STT3B: variants seen among roughly 807,000 people sequenced by gnomAD.
The protein encoded by STT3B is dolichyl-diphosphooligosaccharide--protein glycosyltransferase subunit STT3B.
In STT3B, 29 loss-of-function variants were observed where a neutral mutation model predicts 96.8. The ratio of observed to expected loss-of-function variants is 0.30; its 90% confidence interval spans 0.22 to 0.41. The LOEUF is 0.41. STT3B is among the 10% of genes least tolerant of loss of function. STT3B has a pLI of 1.00. For missense variants in STT3B, 640 were observed against 1,022.3 expected (o/e 0.63, Z 5.10); for synonymous variants, 367 against 360.0 (o/e 1.02, Z -0.22).
chr3:31,582,320 C>T (rs1216752992), intron 3 of STT3B, among the ~76,000 whole-genome samples: 3 of 134,832 alleles, frequency 2.2e-5, no homozygotes, highest in Non-Finnish European at 4.7e-5. Flanking sequence ...TTTTTGGAGA[C>T]GGAGTCTTGC....
rs201179109 is a variant in STT3B at position 31,553,856 on chromosome 3, T to C, written c.314+20544T>C. 1.2e-4 allele frequency among the ~76,000 whole-genome samples: 19 copies of C among 152,352 alleles called. 1 individual carries two copies. In the East Asian group the frequency reaches 3.5e-3, roughly 28 times the overall value. ...GCTCTGTGAGGTCAGGGACCAAGTT[T>C]GCCTGTGGTTCTTAGAATTGTGTAC... is the stretch of plus-strand genomic sequence containing the variant. On this transcript the variant is annotated intron_variant, in intron 1 of 15. Transcript: ENST00000295770.
chr3:31,567,541 A>G (rs1698034915), intron 1 of STT3B, among the ~76,000 whole-genome samples: 1 of 152,168 alleles, frequency 6.6e-6, no homozygotes, highest in African/African-American at 2.4e-5. Context: ...CACTTAATTT[A>G]TTCTTAGGCA....
chr3:31,607,689 T>C (rs962949716), intron 5 of STT3B, among the ~76,000 whole-genome samples: 1 of 152,176 alleles, frequency 6.6e-6, no homozygotes, highest in African/African-American at 2.4e-5. Flanking sequence ...GTTGAAAAAG[T>C]CAAATACTAC....
intron 1 of STT3B, among the ~76,000 whole-genome samples, chr3:31,570,231 A>G (rs1202898823): frequency 7.2e-5 from 11 of 152,230 alleles, no homozygotes; most frequent in Non-Finnish European, 1.5e-4. Context: ...TAGTATGCTA[A>G]AAAGGAGTAA....
chr3:31,580,112 T>C lies in STT3B; in HGVS notation c.711+16T>C. The C allele has an allele frequency of 6.2e-7, 1 of 1,601,518 alleles. No individual in the cohort carries two copies. Among genetic ancestry groups the C allele is most frequent in the South Asian group, 1.1e-5 (1 of 90,462 alleles). On this transcript the variant is annotated intron_variant, in intron 3 of 15. Coordinates refer to ENST00000295770, the MANE Select transcript of STT3B (RefSeq NM_178862.3). ...CTATTTATGGGTAAGTGACATTTAA[T>C]GTTTTGCTGCCATTATTACTCGTGA... is the stretch of plus-strand genomic sequence containing the variant.
At chr3:31,549,927 G>A (rs540814214) in intron 1 of STT3B, among the ~76,000 whole-genome samples, 141 of 152,058 alleles carry the variant, frequency 9.3e-4, no homozygotes, top group Admixed American at 2.4e-3. Flanking sequence ...AAGTGTCACC[G>A]GATAGTTTTA....
At chr3:31,598,511 C>T (rs1014061197) in intron 4 of STT3B, among the ~76,000 whole-genome samples, 1 of 152,070 alleles carries the variant, frequency 6.6e-6, no homozygotes, top group Admixed American at 6.6e-5. Context: ...GTTCTTCTGG[C>T]CCATTTGCTT....
chr3:31,541,341 A>G (rs1697258998), intron 1 of STT3B, among the ~76,000 whole-genome samples: 1 of 152,172 alleles, frequency 6.6e-6, no homozygotes, highest in African/African-American at 2.4e-5. Flanking sequence ...CTTTATAGTG[A>G]TGACATCCTT....
At chr3:31,551,450 C>T (rs907385514) in intron 1 of STT3B, among the ~76,000 whole-genome samples, 1 of 152,126 alleles carries the variant, frequency 6.6e-6, no homozygotes, top group Non-Finnish European at 1.5e-5. Context: ...CTCCTGGGCT[C>T]AAGTGATCCA....
chr3:31,635,435 T>C (rs556748599), intron 15 of STT3B, among the ~76,000 whole-genome samples: 2 of 152,326 alleles, frequency 1.3e-5, no homozygotes, highest in East Asian at 1.9e-4. Flanking sequence ...TGAAGGAATA[T>C]TGTTTTGCTT....
rs200998816 is a variant in STT3B at position 31,576,353 on chromosome 3, A to G, written c.315-43A>G. 228 of 1,170,600 alleles carry G rather than the reference A, an allele frequency of 1.9e-4. 1 individual carries two copies. In the East Asian group the frequency reaches 5.2e-3, roughly 27 times the overall value. 72.5% of individuals were successfully genotyped at this position (1,170,600 alleles called of 1,614,324 possible). A position where few individuals can be genotyped will look rare whatever the true frequency, so the allele number is the denominator to read the frequency against. ...TTAATATAAAGAAGGAGCTATTTCT[A>G]TTAAGCAGTTTTATAACATTTCTTT... is the stretch of plus-strand genomic sequence containing the variant. On this transcript the variant is annotated intron_variant, in intron 1 of 15. Transcript: ENST00000295770.
At chr3:31,535,105 A>G (rs181037142) in intron 1 of STT3B, among the ~76,000 whole-genome samples, 2 of 147,026 alleles carry the variant, frequency 1.4e-5, no homozygotes, top group African/African-American at 2.6e-5. Flanking sequence ...TTCCATAGTA[A>G]CATTTTTACA....
chr3:31,582,102 T>C (rs1698418684), intron 3 of STT3B, among the ~76,000 whole-genome samples: 1 of 152,184 alleles, frequency 6.6e-6, no homozygotes, highest in Non-Finnish European at 1.5e-5. Context: ...TAGCCAAAGA[T>C]TTGTCAATCG....
chr3:31,572,354 A>T (rs1380800614), intron 1 of STT3B, among the ~76,000 whole-genome samples: 2 of 151,098 alleles, frequency 1.3e-5, no homozygotes, highest in Non-Finnish European at 2.9e-5. Flanking sequence ...AACTTTTTTT[A>T]AAAAATTTAG....
chr3:31,588,162 A>G (rs1375009623), intron 3 of STT3B, among the ~76,000 whole-genome samples: 1 of 152,128 alleles, frequency 6.6e-6, no homozygotes, highest in Non-Finnish European at 1.5e-5. Flanking sequence ...CCAAAACACA[A>G]GATGGCCCAT....
At position 31,636,994 on chromosome 3, in the gene STT3B, A is replaced by G. The variant is rs1699764244; in HGVS notation, c.*930A>G. ...TAACAACTTTGCCTGGACTTTTTTCATTTTACAACAGTTCATCCATTCACA... is the reference window on the plus strand; with the variant it reads ...TAACAACTTTGCCTGGACTTTTTTCGTTTTACAACAGTTCATCCATTCACA... On this transcript the variant is annotated 3_prime_UTR_variant, in exon 16 of 16. Coordinates refer to ENST00000295770, the MANE Select transcript of STT3B (RefSeq NM_178862.3). 1 of 152,132 alleles carries G rather than the reference A, an allele frequency of 6.6e-6. No homozygotes were observed. Among genetic ancestry groups the G allele is most frequent in the Non-Finnish European group, 1.5e-5 (1 of 68,006 alleles). The allele number at this position is 152,132 out of a possible 1,614,324, so 9.4% of individuals were successfully genotyped here. A position where few individuals can be genotyped will look rare whatever the true frequency, so the allele number is the denominator to read the frequency against.
At chr3:31,599,609 T>C (rs1698880332) in intron 4 of STT3B, among the ~76,000 whole-genome samples, 3 of 152,192 alleles carry the variant, frequency 2.0e-5, no homozygotes, top group Admixed American at 2.0e-4. Flanking sequence ...AAATGAGCCT[T>C]TCAAGCTCTG....
In STT3B at chr3:31,609,573, GTTTGTTTT is replaced by G. The variant is rs544515324; in HGVS notation, c.878-5515_878-5508del. On this transcript the variant is annotated intron_variant, in intron 5 of 15. Transcript: ENST00000295770. ...TATCAGTACCAGATACACTTGCTGA[GTTTGTTTT>G]TTTGTTTTTTTGTTTTGTTTTGTTT... 1.4e-4 allele frequency among the ~76,000 whole-genome samples: 21 copies of G among 152,042 alleles called. No individual in the cohort carries two copies. The South Asian group carries it at 2.9e-3, about 21-fold the overall frequency.
intron 13 of STT3B, 94 bp downstream of exon 13, chr3:31,626,221 A>T: frequency 8.7e-7 from 1 of 1,155,660 alleles, no homozygotes; most frequent in Non-Finnish European, 1.2e-6. Flanking sequence ...TTGTTTCATC[A>T]TCCTATCCCT....
Sources: allele counts gnomAD v4.1 joint callset (sites outside exome capture counted in the v4.1 genomes callset), GRCh38; gene constraint gnomAD v4.1.1; transcripts MANE v1.5; gene names NCBI Gene and HGNC (gene_info 2026-07-23, HGNC 2026-07-21).